Variants in MSI2 observed in about 807,000 individuals in gnomAD.
MSI2 encodes the protein musashi RNA binding protein 2.
Under a neutral mutation model 45.6 loss-of-function variants are expected in MSI2, and 17 were observed. That is an observed-to-expected ratio of 0.37 (90% CI 0.26 to 0.56). The LOEUF (loss-of-function observed/expected upper bound fraction) is 0.56, where lower values mean the gene tolerates loss of function less well. Among genes scored for constraint, MSI2 ranks in the 20% least tolerant of loss-of-function variants. The pLI, the probability that MSI2 is intolerant of heterozygous loss-of-function variation, is 0.77. For synonymous variants in MSI2, 156 were observed against 158.2 expected (o/e 0.99, Z 0.11); for missense variants, 293 against 444.2 (o/e 0.66, Z 3.06).
At position 57,547,807 on chromosome 17, in the gene MSI2, A is replaced by G. The variant is rs185110700; in HGVS notation, c.454+18083A>G. 3.8e-3 allele frequency among the ~76,000 whole-genome samples: 565 copies of G among 150,422 alleles called. 4 individuals are homozygous for G. The highest frequency in any genetic ancestry group is 0.011 in the African/African-American group (469 of 41,150). ...ACACACACGTCTCTGGAGAATTAACATAACCTACCCAATTGTTTTTGCATA... is the reference window on the plus strand; with the variant it reads ...ACACACACGTCTCTGGAGAATTAACGTAACCTACCCAATTGTTTTTGCATA... On this transcript the variant is annotated intron_variant, in intron 7 of 13. Transcript: ENST00000284073.
At chr17:57,553,656 C>G (rs1243605476) in intron 7 of MSI2, among the ~76,000 whole-genome samples, 15 of 152,172 alleles carry the variant, frequency 9.9e-5, no homozygotes, top group Admixed American at 9.8e-4. Context: ...CGATTCTCAT[C>G]GCGGAGGGGC....
chr17:57,288,636 T>C (rs754632828), intron 5 of MSI2, among the ~76,000 whole-genome samples: 2 of 152,092 alleles, frequency 1.3e-5, no homozygotes, highest in Non-Finnish European at 2.9e-5. Flanking sequence ...GTCTAGATGA[T>C]AGATGGTGCA....
chr17:57,696,874 C>T, the MSI2 span, among the ~76,000 whole-genome samples: 1 of 151,878 alleles, frequency 6.6e-6, no homozygotes, highest in African/African-American at 2.4e-5. Context: ...TCCTTCTTCC[C>T]CAAACTCTTG....
the MSI2 span, among the ~76,000 whole-genome samples, chr17:57,695,689 AT>A: frequency 6.6e-6 from 1 of 152,220 alleles, no homozygotes; most frequent in Non-Finnish European, 1.5e-5. Flanking sequence ...CACAAGGGTG[AT>A]TCTAGGGATA....
intron 6 of MSI2, among the ~76,000 whole-genome samples, chr17:57,526,722 A>G (rs904935299): frequency 6.6e-6 from 1 of 152,046 alleles, no homozygotes; most frequent in African/African-American, 2.4e-5. Context: ...TCTACCCCCA[A>G]GCACTGGGAC....
At chr17:57,323,634 G>A (rs1913532508) in intron 5 of MSI2, among the ~76,000 whole-genome samples, 1 of 152,270 alleles carries the variant, frequency 6.6e-6, no homozygotes, top group Non-Finnish European at 1.5e-5. Context: ...CTCCGTGGAG[G>A]AGCAGTTGCC....
chr17:57,320,240 C>T (rs1386636030), intron 5 of MSI2, among the ~76,000 whole-genome samples: 1 of 152,166 alleles, frequency 6.6e-6, no homozygotes, highest in Non-Finnish European at 1.5e-5. Flanking sequence ...TGGAGTGTCT[C>T]TCTTGAGAGG....
rs143975056 is a variant in MSI2, at chr17:57,390,702, G to T, written c.313-10677G>T. 1.4e-4 allele frequency among the ~76,000 whole-genome samples: 21 copies of T among 152,282 alleles called. No individual in the cohort carries two copies. The East Asian group carries it at 4.0e-3, about 29-fold the overall frequency. ...CTACCAGCAAAGTTTTTATACACTC[G>T]CTCCTAAGAAGAGCAGGCCAGATTG... On this transcript the variant is annotated intron_variant, in intron 5 of 13. Coordinates refer to ENST00000284073, the MANE Select transcript of MSI2 (RefSeq NM_138962.4).
chr17:57,394,651 G>A (rs781431600), intron 5 of MSI2, among the ~76,000 whole-genome samples: 10 of 152,216 alleles, frequency 6.6e-5, no homozygotes, highest in African/African-American at 1.9e-4. Context: ...TCTCCTTACA[G>A]GTGGCTTTGT....
At chr17:57,632,326 C>T in intron 10 of MSI2, 4 of 1,067,754 alleles carry the variant, frequency 3.7e-6, no homozygotes, top group Non-Finnish European at 4.5e-6. Context: ...AGACTATTCT[C>T]TAAGAATGTG....
At chr17:57,445,863 G>A (rs146508171) in intron 6 of MSI2, among the ~76,000 whole-genome samples, 7 of 152,264 alleles carry the variant, frequency 4.6e-5, no homozygotes, top group East Asian at 1.9e-4. Flanking sequence ...AATATGGAAC[G>A]CTATTCTAGG....
intron 5 of MSI2, among the ~76,000 whole-genome samples, chr17:57,296,976 G>A (rs1039978553): frequency 1.3e-5 from 2 of 152,134 alleles, no homozygotes; most frequent in African/African-American, 2.4e-5. Flanking sequence ...CTGGGTTTAC[G>A]CCATTCTCCT....
chr17:57,413,072 T>A (rs2084226123), intron 6 of MSI2, among the ~76,000 whole-genome samples: 1 of 152,350 alleles, frequency 6.6e-6, no homozygotes, highest in African/African-American at 2.4e-5. Flanking sequence ...ATTTTCAACG[T>A]TGGAGACTCA....
At chr17:57,276,594 T>C (rs1265464921) in intron 5 of MSI2, among the ~76,000 whole-genome samples, 1 of 152,202 alleles carries the variant, frequency 6.6e-6, no homozygotes, top group African/African-American at 2.4e-5. Context: ...AGCATTCTCT[T>C]AGAACTTGAG....
intron 5 of MSI2, among the ~76,000 whole-genome samples, chr17:57,314,848 G>A (rs74504205): frequency 0.023 from 3,539 of 152,256 alleles, 146 homozygotes; most frequent in African/African-American, 0.081. Context: ...GGGATTACAG[G>A]TGTGAACTCC....
At chr17:57,689,772 T>G in the MSI2 span, among the ~76,000 whole-genome samples, 1 of 152,244 alleles carries the variant, frequency 6.6e-6, no homozygotes, top group Non-Finnish European at 1.5e-5. Flanking sequence ...TTCATATAAC[T>G]TGAATCAAAC....
Position 57,684,281 on chromosome 17 carries a change from A to G in MSI2, c.*4764A>G, listed in dbSNP as rs1567978616. On this transcript the variant is annotated 3_prime_UTR_variant, in exon 14 of 14. Coordinates refer to ENST00000284073, the MANE Select transcript of MSI2 (RefSeq NM_138962.4). Reference sequence around the variant, plus strand: ...GTGTATTGTAAACTCCGAATTCCATATGTAATAGGATGCAAGTCTAAGCGT... The same window carrying G: ...GTGTATTGTAAACTCCGAATTCCATGTGTAATAGGATGCAAGTCTAAGCGT... The G allele has an allele frequency of 5.0e-6, 1 of 201,470 alleles. No individual in the cohort carries two copies. The allele number at this position is 201,470 out of a possible 1,614,324, so 12.5% of individuals were successfully genotyped here.
chr17:57,453,535 C>G (rs2085057642), intron 6 of MSI2, among the ~76,000 whole-genome samples: 1 of 152,164 alleles, frequency 6.6e-6, no homozygotes, highest in Non-Finnish European at 1.5e-5. Flanking sequence ...TCATTTCAGC[C>G]TAGTAGAGGG....
At chr17:57,674,783 T>C in intron 11 of MSI2, 189 bp from the exon 12 acceptor site, 1 of 756,536 alleles carries the variant, frequency 1.3e-6, no homozygotes. Flanking sequence ...CTTGAGTCCC[T>C]GCTGATGTTT....
Sources: allele counts gnomAD v4.1 joint callset (sites outside exome capture counted in the v4.1 genomes callset), GRCh38; gene constraint gnomAD v4.1.1; transcripts MANE v1.5; gene names NCBI Gene and HGNC (gene_info 2026-07-23, HGNC 2026-07-21).